Variants in GALNT12 observed in about 807,000 individuals in gnomAD.
GALNT12 encodes the protein UDP-GalNAc:polypeptide N-acetylgalactosaminyltransferase 12.
GALNT12 carries 45 observed loss-of-function variants against 55.5 expected under a neutral mutation model. The observed-to-expected ratio is 0.81, with a 90% CI of 0.64 to 1.04. The LOEUF is 1.04. GALNT12 is among the 50% of genes least tolerant of loss of function. GALNT12 has a pLI of 0.00. For synonymous variants in GALNT12, 304 were observed against 312.2 expected, an observed-to-expected ratio of 0.97 and a Z score of 0.28; for missense variants, 709 against 754.8, an observed-to-expected ratio of 0.94 and a Z score of 0.71.
chr9:98,832,089 C>A, intron 4 of GALNT12, 132 bp downstream of exon 4: 1 of 763,502 alleles, frequency 1.3e-6, no homozygotes, highest in Non-Finnish European at 2.3e-6. Flanking sequence ...CACTTTTTTG[C>A]CCAGAGTATT....
Position 98,823,376 on chromosome 9 carries a change from G to A in GALNT12, c.492G>A (p.Pro164=), listed in dbSNP as rs1457379339. 5.0e-6 allele frequency: 8 copies of A among 1,614,170 alleles called. No individual in the cohort carries two copies. Among genetic ancestry groups the A allele is most frequent in the African/African-American group, 4.0e-5 (3 of 75,060 alleles). ...RTVYSVLETS[P]DILLEEVILV... ...TTTACAGTGTCCTTGAGACATCCCC[G>A]GATATCCTGCTAGAAGAAGTGATCC... The change falls in exon 2 of 10, where the codon CCG becomes CCA. Residue 164 remains proline (P), a synonymous_variant. Coordinates refer to ENST00000375011, the MANE Select transcript of GALNT12 (RefSeq NM_024642.5).
intron 1 of GALNT12, among the ~76,000 whole-genome samples, chr9:98,814,396 C>T (rs1056852704): frequency 2.0e-5 from 3 of 151,858 alleles, no homozygotes; most frequent in Non-Finnish European, 2.9e-5. Context: ...ATGTGATAAC[C>T]TTAATATAAA....
intron 7 of GALNT12, 45 bp from the exon 8 acceptor site, chr9:98,844,051 T>C (rs1213098566): frequency 7.6e-7 from 1 of 1,314,488 alleles, no homozygotes; most frequent in East Asian, 2.3e-5. Context: ...CATCTGTTAG[T>C]GTCTATAAAT....
rs1836502665 is a variant in GALNT12, at chr9:98,849,515, A to C, written c.*423A>C. 3 of 497,590 alleles carry C rather than the reference A, an allele frequency of 6.0e-6. No homozygotes were observed. The highest frequency in any genetic ancestry group is 7.5e-5 in the Admixed American group (2 of 26,726). 30.8% of individuals were successfully genotyped at this position (497,590 alleles called of 1,614,324 possible). On this transcript the variant is annotated 3_prime_UTR_variant, in exon 10 of 10. Transcript: ENST00000375011. Reference sequence around the variant, plus strand: ...GGTGGAAATCAGGTTCAAGCAACGTACTTTGCATTAACTGATAATACCTCA... The same window carrying C: ...GGTGGAAATCAGGTTCAAGCAACGTCCTTTGCATTAACTGATAATACCTCA...
Position 98,807,730 on chromosome 9 carries a change from C to G in GALNT12, c.32C>G (p.Pro11Arg). 8.4e-7 allele frequency: 1 copy of G among 1,187,360 alleles called. No individual in the cohort carries two copies. The allele number at this position is 1,187,360 out of a possible 1,614,324, so 73.6% of individuals were successfully genotyped here. MWGRTARRRCPRELRRGREAL... is the reference protein window; with the variant it reads MWGRTARRRCRRELRRGREAL... ...GGGCGCACGGCGCGGCGGCGCTGCCCGCGGGAACTGCGGCGCGGCCGGGAG... is the reference window on the plus strand; with the variant it reads ...GGGCGCACGGCGCGGCGGCGCTGCCGGCGGGAACTGCGGCGCGGCCGGGAG... The change falls in exon 1 of 10, where the codon CCG becomes CGG. Residue 11 changes from proline to arginine, a missense_variant. Transcript: ENST00000375011.
At chr9:98,824,959 C>A (rs746480706) in intron 2 of GALNT12, among the ~76,000 whole-genome samples, 1 of 152,132 alleles carries the variant, frequency 6.6e-6, no homozygotes, top group Non-Finnish European at 1.5e-5. Flanking sequence ...GAATCCCCCT[C>A]CCCCAACACC....
At chr9:98,814,731 A>G (rs999964070) in intron 1 of GALNT12, among the ~76,000 whole-genome samples, 3 of 152,048 alleles carry the variant, frequency 2.0e-5, no homozygotes, top group African/African-American at 7.2e-5. Flanking sequence ...TACTGTATCC[A>G]TTAATTCATT....
At chr9:98,825,199 A>G (rs75786121) in intron 2 of GALNT12, among the ~76,000 whole-genome samples, 1,786 of 152,340 alleles carry the variant, frequency 0.012, 38 homozygotes, top group African/African-American at 0.041. Context: ...AATGAAAAAA[A>G]CAGCATTTCA....
chr9:98,848,738 A>G (rs1836476658), intron 9 of GALNT12: 1 of 609,776 alleles, frequency 1.6e-6, no homozygotes, highest in Non-Finnish European at 2.9e-6. Context: ...AGGTGGCACC[A>G]TCGGTCCTGT....
intron 1 of GALNT12, among the ~76,000 whole-genome samples, chr9:98,820,780 T>A (rs2118337601): frequency 6.6e-6 from 1 of 152,360 alleles, no homozygotes. Context: ...GACTTTTTAA[T>A]AATAGCCATT....
At chr9:98,816,037 G>A (rs1253985179) in intron 1 of GALNT12, among the ~76,000 whole-genome samples, 1 of 152,128 alleles carries the variant, frequency 6.6e-6, no homozygotes, top group East Asian at 1.9e-4. Flanking sequence ...AGTACAAGGC[G>A]TGCTGAAAAT....
At chr9:98,825,343 G>A (rs956049956) in intron 2 of GALNT12, among the ~76,000 whole-genome samples, 2 of 152,342 alleles carry the variant, frequency 1.3e-5, no homozygotes, top group South Asian at 4.1e-4. Context: ...ATGTGAGGCA[G>A]TGTGGACCAA....
At position 98,831,910 on chromosome 9, in the gene GALNT12, T is replaced by C; in HGVS notation, c.870T>C (p.Val290=). 2.5e-6 allele frequency: 4 copies of C among 1,614,140 alleles called. No individual in the cohort carries two copies. The highest frequency in any genetic ancestry group is 3.4e-6 in the Non-Finnish European group (4 of 1,180,030). The change falls in exon 4 of 10, where the codon GTT becomes GTC. Residue 290 remains valine (V), a synonymous_variant. Coordinates refer to ENST00000375011, the MANE Select transcript of GALNT12 (RefSeq NM_024642.5). The stretch of plus-strand genomic sequence containing the variant: ...GGCTGGTGTTCACGTGGCACACAGT[T>C]CCTGAGAGGGAGAGGATACGGATGC... ...DWRLVFTWHT[V]PERERIRMQS...
intron 1 of GALNT12, among the ~76,000 whole-genome samples, chr9:98,816,310 GCA>G (rs2118308247): frequency 6.6e-6 from 1 of 150,452 alleles, no homozygotes; most frequent in South Asian, 2.1e-4. Flanking sequence ...GATTTAGATG[GCA>G]CAAATGAAGA....
At chr9:98,808,964 T>C (rs1357364201) in intron 1 of GALNT12, among the ~76,000 whole-genome samples, 1 of 152,242 alleles carries the variant, frequency 6.6e-6, no homozygotes, top group Non-Finnish European at 1.5e-5. Context: ...TTGGAGCTGG[T>C]GGTGGCAGCC....
intron 8 of GALNT12, among the ~76,000 whole-genome samples, chr9:98,845,567 G>T (rs1208240386): frequency 6.6e-6 from 1 of 152,102 alleles, no homozygotes; most frequent in Non-Finnish European, 1.5e-5. Flanking sequence ...TGTCATATTG[G>T]GGGTTTGGGA....
Position 98,848,953 on chromosome 9 carries a change from A to G in GALNT12, c.1607A>G (p.Asp536Gly), listed in dbSNP as rs749758074. The G allele has an allele frequency of 1.9e-6, 3 of 1,614,234 alleles. No individual in the cohort carries two copies. Among genetic ancestry groups the G allele is most frequent in the Non-Finnish European group, 1.7e-6 (2 of 1,180,036 alleles). ...PENQKFILQE[D>G]GSLFHEQSKK... ...CTGTCATTCTGTTATCTTTTGTAGG[A>G]TGGATCTTTATTTCACGAACAGTCC... Residue 536 changes from aspartate to glycine, a missense_variant and splice_region_variant, in exon 10 of 10, where the codon GAT becomes GGT. Physicochemically the swap from Asp to Gly is moderately conservative, Grantham distance 94. This residue lies in a region of GALNT12 where 262 missense variants were observed against 310.7 expected (regional missense o/e 0.84). Transcript: ENST00000375011.
chr9:98,846,598 G>A (rs1007410874), intron 9 of GALNT12, among the ~76,000 whole-genome samples: 1 of 152,052 alleles, frequency 6.6e-6, no homozygotes, highest in Admixed American at 6.6e-5. Flanking sequence ...AGTGGCTGAC[G>A]CCTGTAATCC....
At chr9:98,844,776 T>C (rs535453452) in intron 8 of GALNT12, among the ~76,000 whole-genome samples, 42 of 152,234 alleles carry the variant, frequency 2.8e-4, no homozygotes, top group African/African-American at 9.9e-4. Context: ...TGTATCTGTC[T>C]GGGTGAAGGG....
Sources: allele counts gnomAD v4.1 joint callset (sites outside exome capture counted in the v4.1 genomes callset), GRCh38; gene constraint gnomAD v4.1.1; regional missense constraint gnomAD v4.1.1; transcripts MANE v1.5; gene names NCBI Gene and HGNC (gene_info 2026-07-23, HGNC 2026-07-21).